The following ARHGAP15 variants were observed in gnomAD, a reference collection of about 807,000 sequenced individuals.
The protein encoded by ARHGAP15 is Rho GTPase activating protein 15, also known as rho GTPase-activating protein 15.
ARHGAP15 carries 51 observed loss-of-function variants against 63.7 expected under a neutral mutation model. The ratio of observed to expected loss-of-function variants is 0.80; its 90% CI spans 0.64 to 1.01. The LOEUF (loss-of-function observed/expected upper bound fraction) is 1.01, where lower values mean the gene tolerates loss of function less well. ARHGAP15 is among the 50% of genes least tolerant of loss of function. The pLI, the probability that ARHGAP15 is intolerant of heterozygous loss-of-function variation, is 0.00. For missense variants in ARHGAP15, 560 were observed against 564.6 expected, an observed-to-expected ratio of 0.99 and a Z score of 0.08; for synonymous variants, 191 against 193.8, an observed-to-expected ratio of 0.99 and a Z score of 0.12.
intron 6 of ARHGAP15, among the ~76,000 whole-genome samples, chr2:143,273,924 T>C (rs946551065): frequency 6.6e-6 from 1 of 152,180 alleles, no homozygotes; most frequent in Non-Finnish European, 1.5e-5. Flanking sequence ...ATATATTTTG[T>C]ATTTTTTTTC....
At chr2:143,541,939 T>G (rs1293765335) in intron 10 of ARHGAP15, among the ~76,000 whole-genome samples, 1 of 152,192 alleles carries the variant, frequency 6.6e-6, no homozygotes, top group Non-Finnish European at 1.5e-5. Flanking sequence ...CAGAGGTTAT[T>G]GCTGTCTTTT....
intron 6 of ARHGAP15, among the ~76,000 whole-genome samples, chr2:143,302,289 T>C (rs1682941573): frequency 6.6e-6 from 1 of 151,996 alleles, no homozygotes; most frequent in South Asian, 2.1e-4. Flanking sequence ...ACCACCATTC[T>C]TGTCCCTATA....
intron 10 of ARHGAP15, among the ~76,000 whole-genome samples, chr2:143,520,562 TGAG>T (rs1559025057): frequency 1.3e-5 from 2 of 152,098 alleles, no homozygotes; most frequent in Non-Finnish European, 1.5e-5. Context: ...AGGATGAACA[TGAG>T]GAGAGGTATC....
chr2:143,629,949 A>G (rs1698997555), intron 12 of ARHGAP15, among the ~76,000 whole-genome samples: 1 of 152,202 alleles, frequency 6.6e-6, no homozygotes, highest in South Asian at 2.1e-4. Flanking sequence ...CTTGGCATTC[A>G]AATACAAATA....
intron 9 of ARHGAP15, among the ~76,000 whole-genome samples, chr2:143,498,017 A>C (rs77667289): frequency 6.6e-6 from 1 of 152,202 alleles, no homozygotes; most frequent in African/African-American, 2.4e-5. Flanking sequence ...AAATATTAAT[A>C]TCCACAATTC....
intron 10 of ARHGAP15, among the ~76,000 whole-genome samples, chr2:143,539,475 G>T (rs2105040520): frequency 6.6e-6 from 1 of 152,076 alleles, no homozygotes; most frequent in South Asian, 2.1e-4. Context: ...TGATGTTAGG[G>T]TGTCAATTTT....
chr2:143,574,663 G>A (rs1488928986), intron 11 of ARHGAP15, among the ~76,000 whole-genome samples: 1 of 152,090 alleles, frequency 6.6e-6, no homozygotes, highest in African/African-American at 2.4e-5. Flanking sequence ...CATGCCAGTG[G>A]CAGTAAAAGC....
intron 6 of ARHGAP15, among the ~76,000 whole-genome samples, chr2:143,258,834 C>CAAG (rs1680561353): frequency 1.3e-5 from 2 of 152,170 alleles, no homozygotes; most frequent in Non-Finnish European, 2.9e-5. Flanking sequence ...TCAGCCTCAT[C>CAAG]AATTTACCTA....
At chr2:143,471,971 C>T (rs562128193) in intron 8 of ARHGAP15, 3 of 152,336 alleles carry the variant, frequency 2.0e-5, no homozygotes, top group African/African-American at 7.2e-5. Flanking sequence ...ACCGTACTCA[C>T]AGCTCAGTTC....
At chr2:143,243,556 A>G (rs768646366) in intron 5 of ARHGAP15, among the ~76,000 whole-genome samples, 1 of 152,176 alleles carries the variant, frequency 6.6e-6, no homozygotes, top group African/African-American at 2.4e-5. Flanking sequence ...ATAATGATGT[A>G]GAATATGATC....
intron 10 of ARHGAP15, among the ~76,000 whole-genome samples, chr2:143,540,238 T>C (rs1221469208): frequency 6.6e-6 from 1 of 152,202 alleles, no homozygotes; most frequent in Non-Finnish European, 1.5e-5. Flanking sequence ...GCTTGGTAGA[T>C]CTTCCTCCGT....
chr2:143,503,550 C>A (rs1489749476), intron 9 of ARHGAP15, among the ~76,000 whole-genome samples: 1 of 152,206 alleles, frequency 6.6e-6, no homozygotes, highest in African/African-American at 2.4e-5. Context: ...AGTAGCGTAG[C>A]AAACAATAGC....
At chr2:143,506,902 A>T (rs1281322091) in intron 9 of ARHGAP15, among the ~76,000 whole-genome samples, 1 of 152,158 alleles carries the variant, frequency 6.6e-6, no homozygotes, top group Non-Finnish European at 1.5e-5. Flanking sequence ...AAATAAAAAC[A>T]TTCTTTATAA....
intron 8 of ARHGAP15, among the ~76,000 whole-genome samples, chr2:143,460,999 A>G (rs909954424): frequency 2.0e-5 from 3 of 152,162 alleles, no homozygotes; most frequent in African/African-American, 7.2e-5. Context: ...TAGAGCATCT[A>G]GAAGACTTGG....
At chr2:143,455,730 T>A (rs1033619533) in intron 8 of ARHGAP15, among the ~76,000 whole-genome samples, 2 of 152,108 alleles carry the variant, frequency 1.3e-5, no homozygotes, top group Admixed American at 6.6e-5. Context: ...TTGAATTTTT[T>A]AAGAAATTTC....
intron 1 of ARHGAP15, among the ~76,000 whole-genome samples, chr2:143,130,437 C>G (rs1001925272): frequency 1.3e-5 from 2 of 151,966 alleles, no homozygotes; most frequent in African/African-American, 2.4e-5. Context: ...TCCATTCTTC[C>G]CTAATATTAT....
intron 9 of ARHGAP15, among the ~76,000 whole-genome samples, chr2:143,513,605 T>C (rs1023692941): frequency 2.0e-5 from 3 of 152,242 alleles, no homozygotes; most frequent in African/African-American, 7.2e-5. Context: ...ACTCATATCC[T>C]GAAATTGCCA....
intron 6 of ARHGAP15, among the ~76,000 whole-genome samples, chr2:143,419,314 C>G (rs777320590): frequency 6.6e-6 from 1 of 152,122 alleles, no homozygotes; most frequent in Admixed American, 6.5e-5. Flanking sequence ...TTGGAACAAA[C>G]TTTCTAGAAA....
chr2:143,580,626 A>C (rs1024388689), intron 11 of ARHGAP15, among the ~76,000 whole-genome samples: 2 of 152,034 alleles, frequency 1.3e-5, no homozygotes, highest in Admixed American at 6.5e-5. Flanking sequence ...TGTATTTTTA[A>C]ATTTTAATAT....
Sources: allele counts gnomAD v4.1 joint callset (sites outside exome capture counted in the v4.1 genomes callset), GRCh38; gene constraint gnomAD v4.1.1; transcripts MANE v1.5; gene names NCBI Gene and HGNC (gene_info 2026-07-23, HGNC 2026-07-21).